Variants in WDR72 observed in about 807,000 individuals in gnomAD.
WDR72 encodes the protein WD repeat domain 72.
In WDR72, 120 loss-of-function variants were observed where a neutral mutation model predicts 124.2. The observed-to-expected ratio is 0.97, with a 90% CI of 0.83 to 1.12. WDR72 has a LOEUF of 1.12. Among genes scored for constraint, WDR72 ranks in the 50% most tolerant of loss-of-function variants. The pLI, the probability that WDR72 is intolerant of heterozygous loss-of-function variation, is 0.00. For missense variants in WDR72, 1,387 were observed against 1,278.8 expected, an observed-to-expected ratio of 1.08 and a Z score of -1.29; for synonymous variants, 452 against 441.7, an observed-to-expected ratio of 1.02 and a Z score of -0.29.
chr15:53,540,657 C>A (rs375459225), intron 18 of WDR72, among the ~76,000 whole-genome samples: 28 of 151,764 alleles, frequency 1.8e-4, no homozygotes, highest in Non-Finnish European at 3.4e-4. Context: ...TGGCTGAATA[C>A]GAACAGCTCC....
At chr15:53,743,836 G>T (rs532724732) in intron 1 of WDR72, among the ~76,000 whole-genome samples, 1 of 152,228 alleles carries the variant, frequency 6.6e-6, no homozygotes, top group South Asian at 2.1e-4. Flanking sequence ...TTAGCCGGGC[G>T]TGGTGGTGGG....
intron 9 of WDR72, among the ~76,000 whole-genome samples, chr15:53,708,849 C>A (rs1402881463): frequency 6.6e-6 from 1 of 152,150 alleles, no homozygotes; most frequent in Admixed American, 6.5e-5. Context: ...ATAGCCAGGA[C>A]CCCTGCACCA....
intron 18 of WDR72, among the ~76,000 whole-genome samples, chr15:53,589,948 A>G (rs1368138505): frequency 6.6e-6 from 1 of 152,060 alleles, no homozygotes; most frequent in Non-Finnish European, 1.5e-5. Flanking sequence ...AAGAATGTAT[A>G]TGGGCAAAAG....
chr15:53,539,646 G>GAA (rs796231959), intron 18 of WDR72, among the ~76,000 whole-genome samples: 7 of 141,798 alleles, frequency 4.9e-5, no homozygotes, highest in African/African-American at 1.5e-4. Context: ...TAAACATTAG[G>GAA]AAAAAAAAAA....
chr15:53,630,209 AGTAGTTAAACATCCTTC>A, intron 14 of WDR72, among the ~76,000 whole-genome samples: 1 of 152,364 alleles, frequency 6.6e-6, no homozygotes, highest in East Asian at 1.9e-4. Flanking sequence ...AAATTGAATT[AGTAGTTAAACATCCTTC>A]TATATAGAAA....
intron 18 of WDR72, among the ~76,000 whole-genome samples, chr15:53,539,164 A>C (rs1282168898): frequency 6.6e-6 from 1 of 152,154 alleles, no homozygotes; most frequent in African/African-American, 2.4e-5. Flanking sequence ...TTTAACTAGA[A>C]AGGCTGCAAG....
intron 16 of WDR72, among the ~76,000 whole-genome samples, chr15:53,612,187 G>A (rs143161010): frequency 2.8e-4 from 43 of 152,138 alleles, no homozygotes; most frequent in African/African-American, 1.0e-3. Flanking sequence ...TCCATTAATT[G>A]AACTCATCCA....
chr15:53,679,443 G>A (rs1369171219), intron 13 of WDR72, among the ~76,000 whole-genome samples: 1 of 152,098 alleles, frequency 6.6e-6, no homozygotes, highest in African/African-American at 2.4e-5. Flanking sequence ...TAAACCCAAA[G>A]AACAATATAC....
intron 14 of WDR72, among the ~76,000 whole-genome samples, chr15:53,657,263 C>CAAAAAAAAAAAAAAAAAAAAAAAAAAAA (rs10549551): frequency 1.8e-5 from 1 of 56,400 alleles, no homozygotes; most frequent in Non-Finnish European, 2.9e-5. Flanking sequence ...GACTCCATCT[C>CAAAAAAAAAAAAAAAAAAAAAAAAAAAA]AAAAAAAAAA....
At chr15:53,710,640 T>G (rs1157081077) in intron 9 of WDR72, among the ~76,000 whole-genome samples, 1 of 152,230 alleles carries the variant, frequency 6.6e-6, no homozygotes, top group African/African-American at 2.4e-5. Context: ...TATTGTTTCA[T>G]TATAAACTTA....
chr15:53,622,895 T>C (rs147900896), intron 14 of WDR72, among the ~76,000 whole-genome samples: 1 of 152,252 alleles, frequency 6.6e-6, no homozygotes, highest in Admixed American at 6.5e-5. Context: ...GCAAAACAGC[T>C]GCATTGATCA....
chr15:53,614,803 A>C (rs992328015), intron 15 of WDR72, among the ~76,000 whole-genome samples: 4 of 152,012 alleles, frequency 2.6e-5, no homozygotes, highest in Non-Finnish European at 5.9e-5. Flanking sequence ...AGGCCCAGAA[A>C]AGCAAAGTGA....
At chr15:53,730,709 T>C (rs1048283275) in intron 2 of WDR72, among the ~76,000 whole-genome samples, 3 of 152,174 alleles carry the variant, frequency 2.0e-5, no homozygotes, top group Non-Finnish European at 4.4e-5. Flanking sequence ...TGTAGTTACA[T>C]CCTTTTTTAC....
chr15:53,674,547 G>C (rs2016099463), intron 13 of WDR72, among the ~76,000 whole-genome samples: 1 of 152,014 alleles, frequency 6.6e-6, no homozygotes, highest in South Asian at 2.1e-4. Context: ...TAGCTAACTA[G>C]AAAATAATGG....
intron 18 of WDR72, among the ~76,000 whole-genome samples, chr15:53,539,437 G>A (rs1892949409): frequency 6.6e-6 from 1 of 151,926 alleles, no homozygotes; most frequent in Non-Finnish European, 1.5e-5. Context: ...TAAAAAGCAG[G>A]ATAAGCTGAG....
intron 14 of WDR72, among the ~76,000 whole-genome samples, chr15:53,639,666 T>C (rs766356245): frequency 6.6e-6 from 1 of 151,924 alleles, no homozygotes; most frequent in Non-Finnish European, 1.5e-5. Flanking sequence ...CTGATTCTTC[T>C]GCTATTAATA....
At chr15:53,537,878 A>C (rs979448966) in intron 18 of WDR72, among the ~76,000 whole-genome samples, 1 of 152,192 alleles carries the variant, frequency 6.6e-6, no homozygotes, top group Non-Finnish European at 1.5e-5. Flanking sequence ...AAGACTGTAG[A>C]AATCTACAAG....
intron 1 of WDR72, among the ~76,000 whole-genome samples, chr15:53,749,210 T>C (rs947332851): frequency 6.6e-6 from 1 of 152,206 alleles, no homozygotes; most frequent in Non-Finnish European, 1.5e-5. Context: ...AACCCTGCCT[T>C]GAGCAAATCT....
At chr15:53,702,084 A>T in intron 12 of WDR72, 50 bp downstream of exon 12, 1 of 1,387,188 alleles carries the variant, frequency 7.2e-7, no homozygotes, top group Non-Finnish European at 9.9e-7. Context: ...AGTATTCTAT[A>T]ATTTATATAA....
Sources: gnomAD v4.1 joint callset for allele counts (sites outside exome capture counted in the v4.1 genomes callset) on GRCh38, gnomAD v4.1.1 for gene constraint, MANE v1.5 for transcripts, NCBI Gene and HGNC (gene_info 2026-07-23, HGNC 2026-07-21) for gene names.